Variants in DNAJC1 observed in about 807,000 individuals in gnomAD.
DNAJC1 encodes the protein DnaJ heat shock protein family (Hsp40) member C1, also known as dnaJ homolog subfamily C member 1.
DNAJC1 carries 58 observed loss-of-function variants against 76.6 expected under a neutral mutation model. That is an observed-to-expected ratio of 0.76 (90% CI 0.61 to 0.94). The LOEUF is 0.94. Among genes scored for constraint, DNAJC1 ranks in the 40% least tolerant of loss-of-function variants. DNAJC1 has a pLI of 0.00. For missense variants in DNAJC1, 689 were observed against 677.3 expected (o/e 1.02, Z -0.19); for synonymous variants, 258 against 267.9 (o/e 0.96, Z 0.36).
intron 9 of DNAJC1, among the ~76,000 whole-genome samples, chr10:21,803,097 T>C (rs1297631549): frequency 6.6e-6 from 1 of 152,156 alleles, no homozygotes; most frequent in Non-Finnish European, 1.5e-5. Flanking sequence ...TGACAATTAA[T>C]ATACTTAATT....
chr10:21,966,072 G>C (rs1010216298), intron 1 of DNAJC1, among the ~76,000 whole-genome samples: 1 of 152,146 alleles, frequency 6.6e-6, no homozygotes, highest in Non-Finnish European at 1.5e-5. Flanking sequence ...GTACCAGTGA[G>C]TTAGTTGTGA....
chr10:21,850,389 T>G (rs1027103652), intron 8 of DNAJC1, among the ~76,000 whole-genome samples: 7 of 152,004 alleles, frequency 4.6e-5, no homozygotes, highest in Non-Finnish European at 1.0e-4. Flanking sequence ...ATAAAATACT[T>G]AGGAATAAAT....
At chr10:21,900,145 C>G (rs1170902989) in intron 7 of DNAJC1, among the ~76,000 whole-genome samples, 1 of 151,990 alleles carries the variant, frequency 6.6e-6, no homozygotes, top group Non-Finnish European at 1.5e-5. Context: ...GAGTTCGAGA[C>G]CAGTCTGGAC....
At chr10:21,795,462 G>C (rs1834740237) in intron 9 of DNAJC1, among the ~76,000 whole-genome samples, 1 of 151,970 alleles carries the variant, frequency 6.6e-6, no homozygotes, top group Non-Finnish European at 1.5e-5. Flanking sequence ...TAGCCTGAGA[G>C]AACAGGAGAA....
At chr10:21,807,373 G>A (rs1276061635) in intron 8 of DNAJC1, among the ~76,000 whole-genome samples, 1 of 152,074 alleles carries the variant, frequency 6.6e-6, no homozygotes, top group Non-Finnish European at 1.5e-5. Context: ...TAACCACACT[G>A]ACATCCGCCT....
intron 8 of DNAJC1, among the ~76,000 whole-genome samples, chr10:21,877,167 A>G (rs1484114193): frequency 1.3e-5 from 2 of 151,996 alleles, no homozygotes; most frequent in Non-Finnish European, 2.9e-5. Flanking sequence ...TCAGGTACTC[A>G]GGAGGTTGAG....
At chr10:21,825,602 C>T (rs545072080) in intron 8 of DNAJC1, among the ~76,000 whole-genome samples, 8 of 152,324 alleles carry the variant, frequency 5.3e-5, no homozygotes, top group Admixed American at 2.6e-4. Flanking sequence ...TAAGAAACCA[C>T]CAACCTATTT....
intron 6 of DNAJC1, among the ~76,000 whole-genome samples, chr10:21,910,334 C>T (rs555741009): frequency 1.5e-4 from 23 of 152,166 alleles, no homozygotes; most frequent in African/African-American, 5.1e-4. Flanking sequence ...AGGCTGGTCT[C>T]GAACTCTTGA....
At position 21,796,316 on chromosome 10, in the gene DNAJC1, C is replaced by A. The variant is rs145487868; in HGVS notation, c.1098+9664G>T. 2.8e-3 allele frequency among the ~76,000 whole-genome samples: 427 copies of A among 152,136 alleles called. 7 individuals are homozygous for A. The highest frequency in any genetic ancestry group is 4.7e-4 in the Non-Finnish European group (32 of 67,986). On this transcript the variant is annotated intron_variant, in intron 9 of 11. Coordinates refer to ENST00000376980, the MANE Select transcript of DNAJC1 (RefSeq NM_022365.4). ...AATAATATTCTATTATATGTACATC[C>A]CACATCTTCTCTAGCCATCCATCCA...
chr10:21,802,012 A>G (rs2131639636), intron 9 of DNAJC1, among the ~76,000 whole-genome samples: 1 of 152,260 alleles, frequency 6.6e-6, no homozygotes. Flanking sequence ...AGAGGAGCAG[A>G]AAAAATAACT....
Position 21,839,586 on chromosome 10 carries a change from C to A in DNAJC1, c.979-33487G>T, listed in dbSNP as rs181362929. On this transcript the variant is annotated intron_variant, in intron 8 of 11. Coordinates refer to ENST00000376980, the MANE Select transcript of DNAJC1 (RefSeq NM_022365.4). ...AATCTCTGAATAGACCAATAACAGG[C>A]TCTGAAATTGAGGCAATAATCAATA... Among the ~76,000 whole-genome samples, 446 of 152,252 alleles carry A rather than the reference C, an allele frequency of 2.9e-3. 4 individuals carry two copies. The highest frequency in any genetic ancestry group is 0.01 in the African/African-American group (417 of 41,538).
intron 11 of DNAJC1, among the ~76,000 whole-genome samples, chr10:21,757,060 T>A (rs892903521): frequency 6.6e-6 from 1 of 152,252 alleles, no homozygotes; most frequent in African/African-American, 2.4e-5. Context: ...CTTATTTTCA[T>A]GTTAACACTT....
In DNAJC1 at chr10:22,003,542, G is replaced by C. The variant is rs1590088919; in HGVS notation, c.-108C>G. 4 of 1,232,900 alleles carry C rather than the reference G, an allele frequency of 3.2e-6. No homozygotes were observed. Among genetic ancestry groups the C allele is most frequent in the African/African-American group, 1.6e-5 (1 of 63,470 alleles). 76.4% of individuals were successfully genotyped at this position (1,232,900 alleles called of 1,614,324 possible). A position where few individuals can be genotyped will look rare whatever the true frequency, so the allele number is the denominator to read the frequency against. ...AACAGCGCCTGTCAGTGAAAAGCGC[G>C]GGCAGGCGCACCGGAGCGGCCCGCC... On this transcript the variant is annotated 5_prime_UTR_variant, in exon 1 of 12. Transcript: ENST00000376980.
At chr10:21,805,950 T>G (rs537567363) in intron 9 of DNAJC1, 30 bp downstream of exon 9, 6 of 1,610,854 alleles carry the variant, frequency 3.7e-6, no homozygotes, top group South Asian at 2.2e-5. Context: ...GGTTTCTCTC[T>G]CTATACAATG....
At chr10:21,856,402 GTA>G (rs1315943869) in intron 8 of DNAJC1, among the ~76,000 whole-genome samples, 1 of 152,090 alleles carries the variant, frequency 6.6e-6, no homozygotes, top group Non-Finnish European at 1.5e-5. Context: ...CTATTGTTGT[GTA>G]TGTCTTTGAG....
intron 8 of DNAJC1, among the ~76,000 whole-genome samples, chr10:21,832,374 G>A (rs1300033746): frequency 6.6e-6 from 1 of 152,116 alleles, no homozygotes; most frequent in Non-Finnish European, 1.5e-5. Context: ...TACATCTCTA[G>A]TTCTGATTTC....
intron 7 of DNAJC1, among the ~76,000 whole-genome samples, chr10:21,891,476 C>CAAAAAAAAAAGAAAAA (rs1836461350): frequency 2.6e-5 from 1 of 38,860 alleles, no homozygotes; most frequent in Non-Finnish European, 5.1e-5. Context: ...ACAAAGTAGA[C>CAAAAAAAAAAGAAAAA]AAAAAAAAAA....
intron 1 of DNAJC1, among the ~76,000 whole-genome samples, chr10:21,985,278 C>G (rs1434171666): frequency 7.0e-6 from 1 of 142,640 alleles, no homozygotes; most frequent in East Asian, 2.1e-4. Context: ...GAAATGGAGT[C>G]TCACTCTGTT....
At chr10:21,912,313 T>C (rs1435894971) in intron 6 of DNAJC1, among the ~76,000 whole-genome samples, 2 of 152,186 alleles carry the variant, frequency 1.3e-5, no homozygotes, top group Admixed American at 6.5e-5. Context: ...CTATAAAATA[T>C]GGAATTGATG....
Sources: allele counts gnomAD v4.1 joint callset (sites outside exome capture counted in the v4.1 genomes callset), GRCh38; gene constraint gnomAD v4.1.1; transcripts MANE v1.5; gene names NCBI Gene and HGNC (gene_info 2026-07-23, HGNC 2026-07-21).